Variants in ANKDD1B observed in about 807,000 individuals in gnomAD.
ANKDD1B encodes the protein ankyrin repeat and death domain-containing protein 1B.
A neutral mutation model predicts 59.7 loss-of-function variants in ANKDD1B; 57 were observed. That is an observed-to-expected ratio of 0.95 (90% CI 0.77 to 1.19). The LOEUF is 1.19. Among genes scored for constraint, ANKDD1B ranks in the 50% most tolerant of loss-of-function variants. The pLI is 0.00. For missense variants in ANKDD1B, 602 were observed against 641.9 expected, an observed-to-expected ratio of 0.94 and a Z score of 0.67; for synonymous variants, 216 against 239.5, an observed-to-expected ratio of 0.90 and a Z score of 0.91.
At chr5:75,657,363 A>G (rs931474560) in intron 9 of ANKDD1B, among the ~76,000 whole-genome samples, 16 of 151,754 alleles carry the variant, frequency 1.1e-4, no homozygotes, top group African/African-American at 3.9e-4. Context: ...TAAAATTAAA[A>G]ATATAAGCTA....
At chr5:75,621,199 C>G (rs966701106) in intron 3 of ANKDD1B, among the ~76,000 whole-genome samples, 1 of 152,164 alleles carries the variant, frequency 6.6e-6, no homozygotes, top group African/African-American at 2.4e-5. Flanking sequence ...AAAAATGAAG[C>G]AGAGAATTTC....
chr5:75,641,996 T>A (rs1237402893), intron 7 of ANKDD1B, among the ~76,000 whole-genome samples: 1 of 152,212 alleles, frequency 6.6e-6, no homozygotes, highest in Admixed American at 6.5e-5. Context: ...TGGAAAATTA[T>A]GTAGCTGTTA....
chr5:75,669,410 T>A, intron 13 of ANKDD1B, 27 bp downstream of exon 13: 1 of 1,231,696 alleles, frequency 8.1e-7, no homozygotes, highest in Non-Finnish European at 1.0e-6. Context: ...ACAACAGAAA[T>A]TCTTTCTCCC....
Position 75,671,005 on chromosome 5 carries a change from ACT to A in ANKDD1B, c.1553_1554del (p.Thr518ArgfsTer14), listed in dbSNP as rs1243536689. ...AAAGACTCGTCATTTCAAAAGCAAA[ACT>A]GACTCAAACTCCAAGAAATGTGTAG... ...AEKTRHFKSK[T>X]DSNSKKCVVS On this transcript the variant is annotated frameshift_variant, in exon 14 of 14. Transcript: ENST00000601380. LOFTEE classifies it high-confidence loss of function. The A allele has an allele frequency of 1.6e-6, 2 of 1,230,138 alleles. No homozygotes were observed. The highest frequency in any genetic ancestry group is 2.0e-6 in the Non-Finnish European group (2 of 986,352). 76.2% of individuals were successfully genotyped at this position (1,230,138 alleles called of 1,614,324 possible). A position where few individuals can be genotyped will look rare whatever the true frequency, so the allele number is the denominator to read the frequency against.
intron 3 of ANKDD1B, among the ~76,000 whole-genome samples, chr5:75,620,879 A>C (rs1376650825): frequency 2.0e-5 from 3 of 152,160 alleles, no homozygotes; most frequent in Non-Finnish European, 4.4e-5. Flanking sequence ...CAGCTCCCCT[A>C]CATTTTCTAG....
intron 5 of ANKDD1B, among the ~76,000 whole-genome samples, chr5:75,632,339 C>G (rs1182347584): frequency 6.6e-6 from 1 of 152,150 alleles, no homozygotes; most frequent in Non-Finnish European, 1.5e-5. Context: ...CAGCAGGGCT[C>G]TTTATCTCTT....
chr5:75,618,992 C>T (rs532187420), intron 2 of ANKDD1B, among the ~76,000 whole-genome samples: 1 of 152,178 alleles, frequency 6.6e-6, no homozygotes, highest in Non-Finnish European at 1.5e-5. Flanking sequence ...GTGATCCACC[C>T]GCCTTGGCCT....
chr5:75,628,080 G>A (rs1561435253), intron 5 of ANKDD1B, among the ~76,000 whole-genome samples: 1 of 152,208 alleles, frequency 6.6e-6, no homozygotes, highest in East Asian at 1.9e-4. Flanking sequence ...CTTTGAGTCT[G>A]AGCCCAACTT....
At position 75,616,904 on chromosome 5, in the gene ANKDD1B, C is replaced by CATT. The variant is rs1773731549; in HGVS notation, c.295_296insTTA (p.Asn98_Asn99insIle). 1.4e-6 allele frequency: 2 copies of CATT among 1,463,826 alleles called. No individual in the cohort carries two copies. Among genetic ancestry groups the CATT allele is most frequent in the East Asian group, 4.9e-5 (2 of 40,554 alleles). 90.7% of individuals were successfully genotyped at this position (1,463,826 alleles called of 1,614,324 possible). On this transcript the variant is annotated inframe_insertion, in exon 2 of 14. Transcript: ENST00000601380. ...AGAAGGTTAACATTAATGTTGTGAACAATGTGAGTAGAAGTCATAAATATG... is the reference window on the plus strand; with the variant it reads ...AGAAGGTTAACATTAATGTTGTGAACATTAATGTGAGTAGAAGTCATAAATATG...
intron 5 of ANKDD1B, among the ~76,000 whole-genome samples, chr5:75,632,850 G>A (rs10074195): frequency 0.013 from 2,003 of 152,178 alleles, 19 homozygotes; most frequent in East Asian, 0.023. Flanking sequence ...TTGAGGATGG[G>A]CAATATATTT....
intron 5 of ANKDD1B, among the ~76,000 whole-genome samples, chr5:75,632,464 G>C (rs1774190418): frequency 6.6e-6 from 1 of 152,118 alleles, no homozygotes; most frequent in Non-Finnish European, 1.5e-5. Context: ...ATAAAAATAG[G>C]ATAAGCCAAA....
At chr5:75,658,326 A>C (rs1019348869) in intron 9 of ANKDD1B, among the ~76,000 whole-genome samples, 1 of 152,192 alleles carries the variant, frequency 6.6e-6, no homozygotes, top group Non-Finnish European at 1.5e-5. Context: ...AGTCTGGGGT[A>C]GTTGCTTCCC....
rs1283706287 is a variant in ANKDD1B, at chr5:75,656,034, G to A, written c.903G>A (p.Lys301=). Residue 301 remains lysine, a synonymous_variant, in exon 9 of 14, where the codon AAG becomes AAA. Coordinates refer to ENST00000601380, the MANE Select transcript of ANKDD1B (RefSeq NM_001276713.2). ...NVDLHQKVEP[K]ESPLHLVVIN... is the part of the protein sequence containing the mutation. Reference sequence around the variant, plus strand: ...ATTTTTATTTCTCTCTGCAGCCTAAGGAGTCCCCTCTTCATTTAGTTGTTA... The same window carrying A: ...ATTTTTATTTCTCTCTGCAGCCTAAAGAGTCCCCTCTTCATTTAGTTGTTA... The A allele has an allele frequency of 2.1e-6, 3 of 1,460,092 alleles. No homozygotes were observed. Among genetic ancestry groups the A allele is most frequent in the East Asian group, 5.0e-5 (2 of 40,366 alleles). 90.4% of individuals were successfully genotyped at this position (1,460,092 alleles called of 1,614,324 possible). A position where few individuals can be genotyped will look rare whatever the true frequency, so the allele number is the denominator to read the frequency against.
intron 8 of ANKDD1B, among the ~76,000 whole-genome samples, chr5:75,654,626 A>G (rs1190970996): frequency 6.6e-6 from 1 of 152,098 alleles, no homozygotes; most frequent in African/African-American, 2.4e-5. Flanking sequence ...GTTACAGTGA[A>G]TGACGATGAC....
chr5:75,654,962 T>G (rs1211411684), intron 8 of ANKDD1B, among the ~76,000 whole-genome samples: 1 of 152,124 alleles, frequency 6.6e-6, no homozygotes, highest in Non-Finnish European at 1.5e-5. Flanking sequence ...TCCCTTATCA[T>G]GCTGGATGCC....
At chr5:75,635,981 G>T in intron 7 of ANKDD1B, 99 bp downstream of exon 7, 1 of 654,982 alleles carries the variant, frequency 1.5e-6, no homozygotes, top group Non-Finnish European at 2.6e-6. Flanking sequence ...AGGTGTTAGT[G>T]CCATGGAGTG....
intron 5 of ANKDD1B, among the ~76,000 whole-genome samples, chr5:75,630,361 T>C (rs892818925): frequency 5.9e-5 from 9 of 152,394 alleles, no homozygotes; most frequent in East Asian, 1.9e-4. Flanking sequence ...ATATATTTAT[T>C]ACAGATTATT....
intron 9 of ANKDD1B, among the ~76,000 whole-genome samples, chr5:75,658,933 T>G (rs1356481590): frequency 1.3e-5 from 2 of 152,228 alleles, no homozygotes; most frequent in Non-Finnish European, 2.9e-5. Flanking sequence ...TATTAAACGG[T>G]AACTTCCCAT....
chr5:75,620,551 A>G (rs1773821437), intron 3 of ANKDD1B, 138 bp downstream of exon 3: 1 of 585,194 alleles, frequency 1.7e-6, no homozygotes, highest in African/African-American at 1.9e-5. Flanking sequence ...AGGTCTCTTC[A>G]TAGAGAATAT....
Sources: allele counts gnomAD v4.1 joint callset (sites outside exome capture counted in the v4.1 genomes callset), GRCh38; gene constraint gnomAD v4.1.1; transcripts MANE v1.5; gene names NCBI Gene and HGNC (gene_info 2026-07-23, HGNC 2026-07-21).